Variants in TRAK1 observed in about 807,000 individuals in gnomAD.
The protein encoded by TRAK1 is trafficking kinesin protein 1.
In TRAK1, 33 loss-of-function variants were observed where a neutral mutation model predicts 92.1. The ratio of observed to expected loss-of-function variants is 0.36; its 90% CI spans 0.27 to 0.48. The LOEUF (loss-of-function observed/expected upper bound fraction) is 0.48, where lower values mean the gene tolerates loss of function less well. TRAK1 is among the 20% of genes least tolerant of loss of function. The probability of loss-of-function intolerance (pLI) is 0.99; values close to 1 mark genes in which losing one functional copy is unlikely to be tolerated. For missense variants in TRAK1, 1,123 were observed against 1,257.9 expected (o/e 0.89, Z 1.62); for synonymous variants, 521 against 517.3 (o/e 1.01, Z -0.10).
chr3:42,202,389 T>C lies in TRAK1; in HGVS notation c.1428-47T>C. 2.1e-6 allele frequency: 3 copies of C among 1,452,342 alleles called. No individual in the cohort carries two copies. Among genetic ancestry groups the C allele is most frequent in the Non-Finnish European group, 2.7e-6 (3 of 1,097,440 alleles). The allele number at this position is 1,452,342 out of a possible 1,614,324, so 90.0% of individuals were successfully genotyped here. On this transcript the variant is annotated intron_variant, in intron 12 of 15. Transcript: ENST00000327628. This position sits in a 1 kb window ranked among gnomAD's most constrained non-coding sequence, Gnocchi z 6.1. ...ATTGAGCAGTCGGGCCTCTGTGGCC[T>C]TGGAGCCCTGCTGGCATTCCACCCT... is the stretch of plus-strand genomic sequence containing the variant.
At position 42,193,863 on chromosome 3, in the gene TRAK1, G is replaced by T. The variant is rs777658229; in HGVS notation, c.940G>T (p.Ala314Ser). ...TGAAGAACTTGTCCAGCATCTGGGGGCTGCTAAGGATGCCCAGCGGCAGCT... is the reference window on the plus strand; with the variant it reads ...TGAAGAACTTGTCCAGCATCTGGGGTCTGCTAAGGATGCCCAGCGGCAGCT... ...ENEELVQHLG[A>S]AKDAQRQLTA... The change falls in exon 9 of 16, where the codon GCT (alanine) becomes TCT (serine). Residue 314 changes from alanine to serine, a missense_variant. Around this residue, in one of 3 missense-constraint regions of TRAK1, gnomAD observed 686 missense variants for 747.6 expected, o/e 0.92. Coordinates refer to ENST00000327628, the MANE Select transcript of TRAK1 (RefSeq NM_001042646.3). 2.5e-6 allele frequency: 4 copies of T among 1,614,070 alleles called. No homozygotes were observed. The highest frequency in any genetic ancestry group is 2.7e-5 in the African/African-American group (2 of 74,934).
chr3:42,034,474 A>G (rs571879890), intron 1 of TRAK1, among the ~76,000 whole-genome samples: 11 of 152,072 alleles, frequency 7.2e-5, no homozygotes, highest in Admixed American at 3.3e-4. Context: ...TGTATTTCTT[A>G]TAGAGATGAG....
At chr3:42,098,015 C>A (rs898569076) in intron 1 of TRAK1, among the ~76,000 whole-genome samples, 1 of 151,992 alleles carries the variant, frequency 6.6e-6, no homozygotes, top group Admixed American at 6.6e-5. Context: ...TTCCTCCCTT[C>A]GTTTCATTTT....
intron 14 of TRAK1, chr3:42,217,708 T>C: frequency 1.0e-6 from 1 of 985,448 alleles, no homozygotes; most frequent in Non-Finnish European, 1.2e-6. Flanking sequence ...TTCTATTTAC[T>C]GCTTTCCCCC....
chr3:42,053,011 T>C (rs1238326135), intron 1 of TRAK1, among the ~76,000 whole-genome samples: 8 of 152,208 alleles, frequency 5.3e-5, no homozygotes, highest in Non-Finnish European at 1.2e-4. Context: ...ACTGGGCTAC[T>C]CCATTGCCAT....
chr3:42,033,821 C>G (rs145013631), intron 1 of TRAK1, among the ~76,000 whole-genome samples: 6 of 152,198 alleles, frequency 3.9e-5, no homozygotes, highest in African/African-American at 1.4e-4. Context: ...TTCTCTTTTT[C>G]CTCCCTCTAC....
intron 2 of TRAK1, among the ~76,000 whole-genome samples, chr3:42,157,972 C>A (rs1460266549): frequency 1.3e-5 from 2 of 152,112 alleles, no homozygotes; most frequent in South Asian, 2.1e-4. Flanking sequence ...TGTGTACCCC[C>A]CAAAAACAAA....
chr3:42,148,394 T>C (rs188113058), intron 2 of TRAK1, among the ~76,000 whole-genome samples: 330 of 152,352 alleles, frequency 2.2e-3, no homozygotes, highest in Middle Eastern at 3.4e-3. Flanking sequence ...TAGGATAGCC[T>C]AGAATCTGTC....
At chr3:42,187,953 A>T in intron 4 of TRAK1, 92 bp from the exon 5 acceptor site, 6 of 1,048,156 alleles carry the variant, frequency 5.7e-6, no homozygotes, top group Non-Finnish European at 8.8e-6. Flanking sequence ...TCAGAAAAAT[A>T]TTGTCCCTAA....
intron 12 of TRAK1, among the ~76,000 whole-genome samples, chr3:42,201,432 G>T (rs927329505): frequency 6.6e-6 from 1 of 151,772 alleles, no homozygotes; most frequent in African/African-American, 2.4e-5. Context: ...CTGCACTCCT[G>T]TCTGGGTGAC....
intron 2 of TRAK1, among the ~76,000 whole-genome samples, chr3:42,130,509 G>C (rs373053364): frequency 5.9e-5 from 9 of 152,264 alleles, no homozygotes; most frequent in African/African-American, 2.2e-4. Context: ...TGAGTGACTG[G>C]TATTTACCTC....
intron 1 of TRAK1, among the ~76,000 whole-genome samples, chr3:42,031,289 G>A (rs9813585): frequency 6.6e-6 from 1 of 151,666 alleles, no homozygotes; most frequent in African/African-American, 2.4e-5. Flanking sequence ...CACCCGCCTC[G>A]ACCTCCCAAA....
intron 1 of TRAK1, among the ~76,000 whole-genome samples, chr3:42,045,438 G>T (rs1207699997): frequency 4.6e-5 from 7 of 152,200 alleles, no homozygotes; most frequent in Non-Finnish European, 1.0e-4. Flanking sequence ...GGGAGGCTGA[G>T]GCAGGAGAAT....
chr3:42,110,129 T>TATATATATATATAA (rs1553719444), intron 1 of TRAK1, among the ~76,000 whole-genome samples: 1 of 128,500 alleles, frequency 7.8e-6, no homozygotes, highest in African/African-American at 2.9e-5. Context: ...TATATATATA[T>TATATATATATATAA]ATAAACTTTG....
At chr3:42,157,284 C>A (rs1700645757) in intron 2 of TRAK1, among the ~76,000 whole-genome samples, 1 of 151,342 alleles carries the variant, frequency 6.6e-6, no homozygotes, top group African/African-American at 2.4e-5. Context: ...CATAGTGAGA[C>A]CCTGTCTCTA....
chr3:42,171,561 T>C (rs995375393), intron 2 of TRAK1, among the ~76,000 whole-genome samples: 2 of 152,206 alleles, frequency 1.3e-5, no homozygotes, highest in African/African-American at 4.8e-5. Context: ...TTCTGCCTTC[T>C]GCCTGGGTCT....
At chr3:42,144,685 T>G (rs191615977) in intron 2 of TRAK1, among the ~76,000 whole-genome samples, 1 of 110,806 alleles carries the variant, frequency 9.0e-6, no homozygotes, top group African/African-American at 2.8e-5. Flanking sequence ...CCTTGTATAT[T>G]TTTTTTTAAC....
intron 2 of TRAK1, among the ~76,000 whole-genome samples, chr3:42,173,296 T>G (rs1157068743): frequency 1.3e-5 from 2 of 152,184 alleles, no homozygotes; most frequent in Non-Finnish European, 2.9e-5. Context: ...AATACATTCT[T>G]ATAGAGAGAG....
At chr3:42,123,387 C>T (rs1291991035) in intron 1 of TRAK1, among the ~76,000 whole-genome samples, 1 of 152,218 alleles carries the variant, frequency 6.6e-6, no homozygotes, top group Admixed American at 6.5e-5. Context: ...CTGGTTCTCC[C>T]TGCTGTTCCT....
Sources: gnomAD v4.1 joint callset for allele counts (sites outside exome capture counted in the v4.1 genomes callset) on GRCh38, gnomAD v4.1.1 for gene constraint, gnomAD v4.1.1 regional missense constraint, Gnocchi (gnomAD v3.1) non-coding constraint, MANE v1.5 for transcripts, NCBI Gene and HGNC (gene_info 2026-07-23, HGNC 2026-07-21) for gene names.